Variants in HEATR5A observed in about 807,000 individuals in gnomAD.
HEATR5A encodes the protein HEAT repeat containing 5A, also known as HEAT repeat-containing protein 5A.
In HEATR5A, 178 loss-of-function variants were observed where a neutral mutation model predicts 218.8. The observed-to-expected ratio is 0.81, with a 90% CI of 0.72 to 0.92. The LOEUF (loss-of-function observed/expected upper bound fraction) is 0.92, where lower values mean the gene tolerates loss of function less well. Ranked by LOEUF, HEATR5A falls within the 40% of genes least tolerant of loss-of-function variation. HEATR5A has a pLI of 0.00. For synonymous variants in HEATR5A, 864 were observed against 871.6 expected (o/e 0.99, Z 0.15); for missense variants, 2,420 against 2,418.9 (o/e 1.00, Z -0.01).
At chr14:31,306,276 G>A (rs1275223713) in intron 31 of HEATR5A, among the ~76,000 whole-genome samples, 3 of 152,074 alleles carry the variant, frequency 2.0e-5, no homozygotes, top group Non-Finnish European at 4.4e-5. Flanking sequence ...CCAGGAGTTC[G>A]AGAGACCAGG....
At chr14:31,371,988 G>A in intron 12 of HEATR5A, 79 bp from the exon 13 acceptor site, 1 of 618,348 alleles carries the variant, frequency 1.6e-6, no homozygotes, top group Non-Finnish European at 2.8e-6. Context: ...TACAACATTA[G>A]CATTGTTATT....
At chr14:31,372,010 G>A in intron 12 of HEATR5A, 101 bp from the exon 13 acceptor site, 2 of 525,954 alleles carry the variant, frequency 3.8e-6, no homozygotes, top group Non-Finnish European at 6.7e-6. Flanking sequence ...GAGTAATAAA[G>A]CAATTTGCTA....
intron 33 of HEATR5A, among the ~76,000 whole-genome samples, chr14:31,300,894 C>T (rs1425340982): frequency 6.6e-6 from 1 of 152,142 alleles, no homozygotes; most frequent in African/African-American, 2.4e-5. Flanking sequence ...ACTAATTACT[C>T]CCATTTTTTA....
At chr14:31,337,692 C>T in intron 21 of HEATR5A, 78 bp from the exon 22 acceptor site, 3 of 1,251,418 alleles carry the variant, frequency 2.4e-6, no homozygotes, top group South Asian at 2.9e-5. Flanking sequence ...ATTCACTGGA[C>T]CCCTTCCTGA....
rs1412194145 is a variant in HEATR5A, at chr14:31,418,946, G to A, written c.-75+1526C>T. On this transcript the variant is annotated intron_variant, in intron 1 of 35. Transcript: ENST00000543095. Reference sequence around the variant, plus strand: ...ACAAGTAAAAAAATAATTTTTTTCTGTAGATAATATATTCATTAGTTTAAT... The same window carrying A: ...ACAAGTAAAAAAATAATTTTTTTCTATAGATAATATATTCATTAGTTTAAT... Among the ~76,000 whole-genome samples, 4 of 152,214 alleles carry A rather than the reference G, an allele frequency of 2.6e-5. No homozygotes were observed. The East Asian group carries it at 7.7e-4, about 29-fold the overall frequency.
intron 25 of HEATR5A, 126 bp from the exon 26 acceptor site, chr14:31,318,418 A>T: frequency 1.4e-6 from 1 of 719,060 alleles, no homozygotes; most frequent in Non-Finnish European, 2.4e-6. Context: ...TGTTTTGTCT[A>T]CCCAGTGTAT....
intron 16 of HEATR5A, among the ~76,000 whole-genome samples, chr14:31,352,804 A>G (rs1901279489): frequency 6.6e-6 from 1 of 152,044 alleles, no homozygotes; most frequent in Non-Finnish European, 1.5e-5. Context: ...TTAAAAATAT[A>G]AAAACTAGCC....
chr14:31,394,847 T>C (rs1371748868), intron 5 of HEATR5A, among the ~76,000 whole-genome samples: 4 of 152,100 alleles, frequency 2.6e-5, no homozygotes, highest in Non-Finnish European at 4.4e-5. Context: ...TGTATTCTCT[T>C]ACCAACTATG....
intron 1 of HEATR5A, among the ~76,000 whole-genome samples, chr14:31,411,491 T>G (rs1011318512): frequency 6.6e-6 from 1 of 152,180 alleles, no homozygotes; most frequent in African/African-American, 2.4e-5. Flanking sequence ...TAAAGCAGTG[T>G]TTACCAAGAG....
In HEATR5A at chr14:31,293,077, T is replaced by C. The variant is rs1899070544; in HGVS notation, c.*228A>G. 2.3e-6 allele frequency: 1 copy of C among 426,250 alleles called. No homozygotes were observed. The highest frequency in any genetic ancestry group is 4.0e-5 in the Admixed American group (1 of 24,996). The allele number at this position is 426,250 out of a possible 1,614,324, so 26.4% of individuals were successfully genotyped here. ...CACTTTCTTAAAATTCCTGGCAAGTTAGCTCCATTGTCTTTTTAAATAGAA... is the reference window on the plus strand; with the variant it reads ...CACTTTCTTAAAATTCCTGGCAAGTCAGCTCCATTGTCTTTTTAAATAGAA... On this transcript the variant is annotated 3_prime_UTR_variant, in exon 36 of 36. Transcript: ENST00000543095.
intron 6 of HEATR5A, among the ~76,000 whole-genome samples, chr14:31,390,784 A>G (rs770363212): frequency 8.6e-5 from 13 of 152,010 alleles, no homozygotes; most frequent in Admixed American, 2.0e-4. Context: ...AATACTTGAT[A>G]ATAAACAACT....
chr14:31,322,764 A>T (rs1452265088), intron 24 of HEATR5A, among the ~76,000 whole-genome samples: 1 of 149,278 alleles, frequency 6.7e-6, no homozygotes, highest in Non-Finnish European at 1.5e-5. Flanking sequence ...GGTTACAGTG[A>T]GCTGTGATCA....
chr14:31,313,853 T>C (rs1899833726), intron 27 of HEATR5A, among the ~76,000 whole-genome samples: 2 of 152,334 alleles, frequency 1.3e-5, no homozygotes, highest in South Asian at 4.1e-4. Context: ...CCCAGATATA[T>C]ATTGGTCAGT....
intron 1 of HEATR5A, among the ~76,000 whole-genome samples, chr14:31,405,059 CAAAAAAA>C (rs386381028): frequency 2.2e-4 from 22 of 97,898 alleles, no homozygotes; most frequent in African/African-American, 7.6e-4. Context: ...CTGTCTCCAC[CAAAAAAA>C]AAAAAAAAAA....
intron 22 of HEATR5A, 100 bp downstream of exon 22, chr14:31,337,376 C>CA: frequency 1.1e-6 from 1 of 897,532 alleles, no homozygotes; most frequent in Non-Finnish European, 1.7e-6. Context: ...AGGTTTAAGA[C>CA]ATATTAACTT....
At chr14:31,361,941 A>AATAAATTTATTT (rs765885148) in intron 14 of HEATR5A, among the ~76,000 whole-genome samples, 2 of 149,326 alleles carry the variant, frequency 1.3e-5, no homozygotes, top group African/African-American at 4.9e-5. Context: ...TAAAATCAGA[A>AATAAATTTATTT]ATTTATTTAT....
In HEATR5A at chr14:31,418,462, C is replaced by T. The variant is rs77004317; in HGVS notation, c.-75+2010G>A. Among the ~76,000 whole-genome samples the T allele has an allele frequency of 9.9e-3, 1,512 of 152,262 alleles. 18 individuals carry two copies. The highest frequency in any genetic ancestry group is 0.035 in the African/African-American group (1,436 of 41,532). On this transcript the variant is annotated intron_variant, in intron 1 of 35. Coordinates refer to ENST00000543095, the MANE Select transcript of HEATR5A (RefSeq NM_015473.4). Reference sequence around the variant, plus strand: ...TTCAATAAAACTTTTATAAAACTGCCAGCAGAGCAGATTTGACCCACAGGC... The same window carrying T: ...TTCAATAAAACTTTTATAAAACTGCTAGCAGAGCAGATTTGACCCACAGGC...
At chr14:31,417,707 G>A (rs947055355) in intron 1 of HEATR5A, among the ~76,000 whole-genome samples, 1 of 150,790 alleles carries the variant, frequency 6.6e-6, no homozygotes, top group African/African-American at 2.4e-5. Context: ...CCTAGATGGC[G>A]CTACTGCACT....
Position 31,295,951 on chromosome 14 carries a change from A to G in HEATR5A, c.5577T>C (p.Cys1859=). The change falls in exon 34 of 36, where the codon TGT becomes TGC. Residue 1859 remains cysteine, a synonymous_variant. Coordinates refer to ENST00000543095, the MANE Select transcript of HEATR5A (RefSeq NM_015473.4). ...CAAGAGTAGCTTTAAATTTATCAAT[A>G]CAGCGCTTCTGAAGGCATGGGATGG... is the stretch of plus-strand genomic sequence containing the variant. The part of the protein sequence containing the change: ...VTTIPCLQKR[C]IDKFKATLEI... 1.2e-6 allele frequency: 2 copies of G among 1,613,740 alleles called. No homozygotes were observed. Among genetic ancestry groups the G allele is most frequent in the Non-Finnish European group, 1.7e-6 (2 of 1,179,726 alleles).
Sources: allele counts gnomAD v4.1 joint callset (sites outside exome capture counted in the v4.1 genomes callset), GRCh38; gene constraint gnomAD v4.1.1; transcripts MANE v1.5; gene names NCBI Gene and HGNC (gene_info 2026-07-23, HGNC 2026-07-21).